SIKE1: variants seen among roughly 807,000 people sequenced by gnomAD.
SIKE1 encodes the protein suppressor of IKBKE 1, also known as suppressor of IKK epsilon.
A neutral mutation model predicts 25.8 loss-of-function variants in SIKE1; 13 were observed. The observed-to-expected ratio is 0.50, with a 90% CI of 0.33 to 0.80. SIKE1 has a LOEUF of 0.80. SIKE1 is among the 30% of genes least tolerant of loss of function. The pLI, the probability that SIKE1 is intolerant of heterozygous loss-of-function variation, is 0.02. For missense variants in SIKE1, 222 were observed against 252.4 expected, an observed-to-expected ratio of 0.88 and a Z score of 0.82; for synonymous variants, 86 against 95.5, an observed-to-expected ratio of 0.90 and a Z score of 0.58.
chr1:114,779,072 C>G, intron 3 of SIKE1, 70 bp downstream of exon 3: 1 of 1,585,112 alleles, frequency 6.3e-7, no homozygotes, highest in Non-Finnish European at 8.6e-7. Context: ...AGCAAAAAAA[C>G]AAGCACACAA....
intron 3 of SIKE1, 148 bp from the exon 4 acceptor site, chr1:114,776,607 C>T (rs1468973160): frequency 3.2e-6 from 2 of 631,158 alleles, no homozygotes; most frequent in Non-Finnish European, 2.8e-6. Flanking sequence ...TTTTAGTCCT[C>T]AGACATGAAG....
chr1:114,779,211 T>G lies in SIKE1; in HGVS notation c.339A>C (p.Leu113Phe). Residue 113 changes from leucine (L) to phenylalanine (F), a missense_variant, in exon 3 of 5, where the codon TTA becomes TTC. Transcript: ENST00000060969. ...CCGCTTTTTTAGCAACCATTAACTG[T>G]AACATCTGTTTCCGATATTTGCTCA... ...LIMSKYRKQM[L>F]QLMVAKKAVD... The G allele has an allele frequency of 6.2e-7, 1 of 1,614,244 alleles. No individual in the cohort carries two copies. The highest frequency in any genetic ancestry group is 1.7e-5 in the Admixed American group (1 of 60,030).
In SIKE1 at chr1:114,774,283, T is replaced by C. The variant is rs560486670; in HGVS notation, c.612A>G (p.Gln204=). 103 of 1,610,654 alleles carry C rather than the reference T, an allele frequency of 6.4e-5. 1 individual carries two copies. The South Asian group carries it at 1.1e-3, about 17-fold the overall frequency. Residue 204 remains glutamine (Q), a synonymous_variant, in exon 5 of 5, where the codon CAA becomes CAG. Coordinates refer to ENST00000060969, the MANE Select transcript of SIKE1 (RefSeq NM_025073.3). ...ATTCAGAGTTCAGTTATTTGATGGC[T>C]TGGGAAGCAGTGTCCATTGAGTTTT... ...RKENSMDTAS[Q]AIK
In SIKE1 at chr1:114,780,584, G is replaced by C. The variant is rs1557724898; in HGVS notation, c.24C>G (p.Ile8Met). The change falls in exon 1 of 5, where the codon ATC becomes ATG. Residue 8 changes from isoleucine to methionine, a missense_variant. By Grantham distance (10) the Ile-to-Met change is conservative. Transcript: ENST00000060969. ...CCAGCAGCGTCTTGGCGTCTGTCAG[G>C]ATCTTCTCGATGGTGCAGCTCATAG... Reference protein sequence around the residue: MSCTIEKILTDAKTLLER... With the variant: MSCTIEKMLTDAKTLLER... 5 of 1,611,150 alleles carry C rather than the reference G, an allele frequency of 3.1e-6. No individual in the cohort carries two copies. Among genetic ancestry groups the C allele is most frequent in the South Asian group, 1.1e-5 (1 of 90,906 alleles).
intron 3 of SIKE1, among the ~76,000 whole-genome samples, chr1:114,777,996 T>G (rs1400034130): frequency 1.3e-5 from 2 of 152,234 alleles, no homozygotes; most frequent in Non-Finnish European, 2.9e-5. Context: ...CTGAGTAAAC[T>G]CTGTCTCTTT....
At chr1:114,776,725 C>A (rs1004767886) in intron 3 of SIKE1, among the ~76,000 whole-genome samples, 6 of 151,554 alleles carry the variant, frequency 4.0e-5, no homozygotes, top group South Asian at 2.1e-4. Context: ...ACTAGAAATA[C>A]CATTTGACCC....
intron 3 of SIKE1, 132 bp downstream of exon 3, chr1:114,779,010 T>C (rs1352019124): frequency 6.5e-6 from 7 of 1,069,560 alleles, no homozygotes; most frequent in Non-Finnish European, 9.6e-6. Flanking sequence ...TGAGCCGAGA[T>C]CGTGCCATTA....
chr1:114,772,149 G>A lies in SIKE1; in HGVS notation c.*2122C>T, dbSNP rs921081241. The A allele has an allele frequency of 6.6e-6, 1 of 152,038 alleles. No homozygotes were observed. Among genetic ancestry groups the A allele is most frequent in the Admixed American group, 6.6e-5 (1 of 15,262 alleles). The allele number at this position is 152,038 out of a possible 1,614,324, so 9.4% of individuals were successfully genotyped here. On this transcript the variant is annotated 3_prime_UTR_variant, in exon 5 of 5. Transcript: ENST00000060969. The stretch of plus-strand genomic sequence containing the variant: ...TACAAAGTATTTATGACTCTTGTGA[G>A]GACCACTTGACAAGGTTGCTATATA...
Position 114,779,152 on chromosome 1 carries a change from G to A in SIKE1, c.398C>T (p.Ser133Phe). 6.2e-7 allele frequency: 1 copy of A among 1,614,200 alleles called. No homozygotes were observed. Among genetic ancestry groups the A allele is most frequent in the Non-Finnish European group, 8.5e-7 (1 of 1,180,016 alleles). Reference protein sequence around the residue: ...DAEPVLKAHQSHSAEIESQID... With the variant: ...DAEPVLKAHQFHSAEIESQID... The stretch of plus-strand genomic sequence containing the variant: ...TTCAAAGTTTCTTACTGCAGAGTGA[G>A]ACTGGTGAGCTTTCAGGACTGGTTC... The change falls in exon 3 of 5, where the codon TCT (serine) becomes TTT (phenylalanine). Residue 133 changes from serine (S) to phenylalanine (F), a missense_variant. By Grantham distance (155) the Ser-to-Phe change is radical. Coordinates refer to ENST00000060969, the MANE Select transcript of SIKE1 (RefSeq NM_025073.3).
intron 1 of SIKE1, 114 bp from the exon 2 acceptor site, chr1:114,780,329 G>T (rs1221253724): frequency 1.3e-6 from 2 of 1,589,080 alleles, no homozygotes; most frequent in Admixed American, 1.7e-5. Flanking sequence ...CCAGGAAAAT[G>T]GTCTCACCGC....
rs1304151484 is a variant in SIKE1, at chr1:114,772,882, G to C, written c.*1389C>G. ...CCACTGCTCTAGATGACATCCATTA[G>C]TTATTACTGGGATCAGATGCTTTTA... On this transcript the variant is annotated 3_prime_UTR_variant, in exon 5 of 5. Coordinates refer to ENST00000060969, the MANE Select transcript of SIKE1 (RefSeq NM_025073.3). The C allele has an allele frequency of 6.6e-6, 1 of 152,126 alleles. No individual in the cohort carries two copies. Among genetic ancestry groups the C allele is most frequent in the African/African-American group, 2.4e-5 (1 of 41,442 alleles). The allele number at this position is 152,126 out of a possible 1,614,324, so 9.4% of individuals were successfully genotyped here. A position where few individuals can be genotyped will look rare whatever the true frequency, so the allele number is the denominator to read the frequency against.
chr1:114,780,253 G>C, intron 1 of SIKE1, 38 bp from the exon 2 acceptor site: 3 of 1,573,150 alleles, frequency 1.9e-6, no homozygotes, highest in Non-Finnish European at 2.6e-6. Context: ...GCCTTAAAGA[G>C]AACAGCGGCA....
At position 114,779,260 on chromosome 1, in the gene SIKE1, T is replaced by C. The variant is rs1557724238; in HGVS notation, c.290A>G (p.His97Arg). Reference sequence around the variant, plus strand: ...CATGATAAGTTCCAAAGCATCCTGGTGTTCCTCCAAGGAAATCCATAGCTC... The same window carrying C: ...CATGATAAGTTCCAAAGCATCCTGGCGTTCCTCCAAGGAAATCCATAGCTC... The part of the protein sequence containing the change: ...NRELWISLEE[H>R]QDALELIMSK... Residue 97 changes from histidine to arginine, a missense_variant, in exon 3 of 5, where the codon CAC (histidine) becomes CGC (arginine). His to Arg is a conservative substitution (Grantham distance 29). Coordinates refer to ENST00000060969, the MANE Select transcript of SIKE1 (RefSeq NM_025073.3). The C allele has an allele frequency of 6.2e-7, 1 of 1,614,198 alleles. No homozygotes were observed. Among genetic ancestry groups the C allele is most frequent in the African/African-American group, 1.3e-5 (1 of 75,046 alleles).
intron 3 of SIKE1, 83 bp downstream of exon 3, chr1:114,779,059 C>A: frequency 6.4e-7 from 1 of 1,558,236 alleles, no homozygotes. Flanking sequence ...CCCTATCTCA[C>A]AAAGCAAAAA....
chr1:114,779,309 C>T (rs376440696), intron 2 of SIKE1, 25 bp from the exon 3 acceptor site: 44 of 1,608,106 alleles, frequency 2.7e-5, no homozygotes, highest in Non-Finnish European at 3.7e-5. Context: ...AAGAACTTGG[C>T]AGTGATGTCT....
rs1454655180 is a variant in SIKE1, at chr1:114,770,461, G to A, written c.*3810C>T. ...ACTAAATCACTTTTGCTGTACCTCT[G>A]TGGAGATGAATGCAGTAGTGTTGTT... On this transcript the variant is annotated 3_prime_UTR_variant, in exon 5 of 5. Coordinates refer to ENST00000060969, the MANE Select transcript of SIKE1 (RefSeq NM_025073.3). 1 of 152,216 alleles carries A rather than the reference G, an allele frequency of 6.6e-6. No homozygotes were observed. The highest frequency in any genetic ancestry group is 1.9e-4 in the East Asian group (1 of 5,196). 9.4% of individuals were successfully genotyped at this position (152,216 alleles called of 1,614,324 possible). A position where few individuals can be genotyped will look rare whatever the true frequency, so the allele number is the denominator to read the frequency against.
rs1662063752 is a variant in SIKE1, at chr1:114,771,276, TAA to T, written c.*2993_*2994del. 6.6e-6 allele frequency: 1 copy of T among 152,232 alleles called. No individual in the cohort carries two copies. The highest frequency in any genetic ancestry group is 2.4e-5 in the African/African-American group (1 of 41,468). The allele number at this position is 152,232 out of a possible 1,614,324, so 9.4% of individuals were successfully genotyped here. ...TTCTAGAAAATAATATCTCATTAGT[TAA>T]GACTCCATTTATTGAATTCATAATA... On this transcript the variant is annotated 3_prime_UTR_variant, in exon 5 of 5. Transcript: ENST00000060969.
At chr1:114,774,782 A>G (rs1291869908) in intron 4 of SIKE1, among the ~76,000 whole-genome samples, 1 of 152,200 alleles carries the variant, frequency 6.6e-6, no homozygotes, top group African/African-American at 2.4e-5. Context: ...GATATCTTAC[A>G]GTTCTAGAGA....
rs1002407640 is a variant in SIKE1, at chr1:114,779,406, G to A, written c.266-122C>T. 1.8e-5 allele frequency: 18 copies of A among 1,015,748 alleles called. No homozygotes were observed. In the African/African-American group the frequency reaches 2.8e-4, roughly 16 times the overall value. 62.9% of individuals were successfully genotyped at this position (1,015,748 alleles called of 1,614,324 possible). ...TATGAATCTAAAGTTGTAAATCAATGTTTAAGTCCGCAAAACTGAACAGTT... is the reference window on the plus strand; with the variant it reads ...TATGAATCTAAAGTTGTAAATCAATATTTAAGTCCGCAAAACTGAACAGTT... On this transcript the variant is annotated intron_variant, in intron 2 of 4. Transcript: ENST00000060969.
Sources: gnomAD v4.1 joint callset for allele counts (sites outside exome capture counted in the v4.1 genomes callset) on GRCh38, gnomAD v4.1.1 for gene constraint, MANE v1.5 for transcripts, NCBI Gene and HGNC (gene_info 2026-07-23, HGNC 2026-07-21) for gene names.